PSPC1: variants seen among roughly 807,000 people sequenced by gnomAD.
The protein encoded by PSPC1 is paraspeckle protein 1.
In PSPC1, 14 loss-of-function variants were observed where a neutral mutation model predicts 51.6. That is an observed-to-expected ratio of 0.27 (90% CI 0.18 to 0.42). PSPC1 has a LOEUF of 0.42. Ranked by LOEUF, PSPC1 falls within the 10% of genes least tolerant of loss-of-function variation. The pLI, the probability that PSPC1 is intolerant of heterozygous loss-of-function variation, is 1.00. For synonymous variants in PSPC1, 193 were observed against 231.9 expected, an observed-to-expected ratio of 0.83 and a Z score of 1.53; for missense variants, 406 against 701.1, an observed-to-expected ratio of 0.58 and a Z score of 4.75.
downstream of PSPC1, among the ~76,000 whole-genome samples, chr13:19,701,119 G>A (rs1322270427): frequency 6.6e-6 from 1 of 152,108 alleles, no homozygotes; most frequent in African/African-American, 2.4e-5. Context: ...GTTGAGCCTG[G>A]ACACTAGGAT....
Position 19,782,645 on chromosome 13 carries a change from G to T in PSPC1, c.113C>A (p.Ala38Glu). 1.9e-6 allele frequency: 3 copies of T among 1,558,342 alleles called. No homozygotes were observed. The highest frequency in any genetic ancestry group is 2.6e-6 in the Non-Finnish European group (3 of 1,160,842). ...TGCCGGCTCCCCGGCAAGAGCGAGC[G>T]CCATGGCTGCCGCGGCCGCCGGCTC... ...ESEPAAAAAM[A>E]LALAGEPAPP... is the part of the protein sequence containing the mutation. The change falls in exon 1 of 9, where the codon GCG becomes GAG. Residue 38 changes from alanine to glutamate, a missense_variant. Physicochemically the swap from Ala to Glu is moderately radical, Grantham distance 107. Around this residue, in one of 5 missense-constraint regions of PSPC1, gnomAD observed 128 missense variants for 107.1 expected, o/e 1.20. Transcript: ENST00000338910. The surrounding 1 kb of genome is among the most constrained non-coding windows in gnomAD (Gnocchi z 4.5).
intron 6 of PSPC1, among the ~76,000 whole-genome samples, chr13:19,709,933 A>C (rs1426543284): frequency 1.8e-4 from 27 of 152,228 alleles, no homozygotes; most frequent in Non-Finnish European, 4.0e-4. Flanking sequence ...AAAATCTAGT[A>C]ATGATAACCA....
chr13:19,746,325 CACAGAG>C (rs1332461705), intron 4 of PSPC1, among the ~76,000 whole-genome samples: 11 of 151,658 alleles, frequency 7.3e-5, no homozygotes, highest in Non-Finnish European at 1.6e-4. Flanking sequence ...TCACTTGAAA[CACAGAG>C]GCAGAGGTTG....
intron 6 of PSPC1, among the ~76,000 whole-genome samples, chr13:19,718,906 A>C (rs1882439622): frequency 6.6e-6 from 1 of 152,254 alleles, no homozygotes; most frequent in African/African-American, 2.4e-5. Flanking sequence ...CAACTATATG[A>C]CATTCTGGAA....
Position 19,689,859 on chromosome 13 carries a change from C to T in PSPC1, c.1159-12036G>A, listed in dbSNP as rs564564551. ...TAAAAGCAATCCAAAAAAGCAATGT[C>T]GATTTTACAGGTAATGTTTTAAATT... On this transcript the variant is annotated intron_variant and NMD_transcript_variant, in intron 6 of 7. Coordinates refer to the PSPC1 transcript ENST00000471658. Among the ~76,000 whole-genome samples, 7 of 152,182 alleles carry T rather than the reference C, an allele frequency of 4.6e-5. No individual in the cohort carries two copies. The South Asian group carries it at 1.5e-3, about 32-fold the overall frequency.
chr13:19,768,573 G>A (rs1444720217), intron 2 of PSPC1, among the ~76,000 whole-genome samples: 4 of 149,406 alleles, frequency 2.7e-5, no homozygotes, highest in Admixed American at 2.7e-4. Flanking sequence ...GCGTGAACCC[G>A]GGAGGCAGAG....
intron 6 of PSPC1, among the ~76,000 whole-genome samples, chr13:19,686,793 A>G (rs1877934206): frequency 2.0e-5 from 3 of 152,188 alleles, no homozygotes; most frequent in South Asian, 4.1e-4. Context: ...TGATGGCTAT[A>G]ATGAAGGGCC....
At position 19,743,493 on chromosome 13, in the gene PSPC1, G is replaced by A. The variant is rs368768874; in HGVS notation, c.968-1844C>T. On this transcript the variant is annotated intron_variant, in intron 4 of 8. Coordinates refer to ENST00000338910, the MANE Select transcript of PSPC1 (RefSeq NM_001354909.2). ...ATTTATAAATTATGCAAAAAAAAAG[G>A]ATTCAGACAGATTATAAAGTTGCTC... Among the ~76,000 whole-genome samples, 744 of 149,572 alleles carry A rather than the reference G, an allele frequency of 5.0e-3. 7 individuals carry two copies. Among genetic ancestry groups the A allele is most frequent in the African/African-American group, 0.017 (691 of 41,108 alleles).
At chr13:19,762,963 G>A (rs929132347) in intron 2 of PSPC1, among the ~76,000 whole-genome samples, 1 of 151,956 alleles carries the variant, frequency 6.6e-6, no homozygotes, top group African/African-American at 2.4e-5. Flanking sequence ...AAATTAGCTG[G>A]GTATGGTGGT....
intron 6 of PSPC1, among the ~76,000 whole-genome samples, chr13:19,684,445 T>C (rs1877624965): frequency 6.6e-6 from 1 of 152,236 alleles, no homozygotes; most frequent in Non-Finnish European, 1.5e-5. Context: ...GTTACTTATT[T>C]AATGTATCAA....
At chr13:19,719,909 T>G (rs1882564451) in intron 6 of PSPC1, among the ~76,000 whole-genome samples, 1 of 152,172 alleles carries the variant, frequency 6.6e-6, no homozygotes, top group Non-Finnish European at 1.5e-5. Context: ...CTTGAATTCC[T>G]GAGCTCAATT....
chr13:19,732,346 T>A (rs1884218436), intron 5 of PSPC1, among the ~76,000 whole-genome samples: 1 of 152,154 alleles, frequency 6.6e-6, no homozygotes, highest in Non-Finnish European at 1.5e-5. Context: ...GATGGGAAGA[T>A]CCAATAAAGG....
intron 6 of PSPC1, among the ~76,000 whole-genome samples, chr13:19,693,367 A>G (rs1878789363): frequency 6.6e-6 from 1 of 152,198 alleles, no homozygotes; most frequent in Admixed American, 6.5e-5. Context: ...ACAACTCTAC[A>G]TATACCCATT....
intron 1 of PSPC1, among the ~76,000 whole-genome samples, chr13:19,778,462 G>C (rs1168244271): frequency 1.8e-5 from 2 of 110,214 alleles, no homozygotes; most frequent in Non-Finnish European, 3.7e-5. Context: ...CTGCCATCTC[G>C]GCTCACTGCA....
intron 6 of PSPC1, among the ~76,000 whole-genome samples, chr13:19,724,704 C>T (rs1041373489): frequency 2.0e-5 from 3 of 151,940 alleles, no homozygotes; most frequent in African/African-American, 7.3e-5. Context: ...AATACAAAAA[C>T]TTTGCCGAGC....
chr13:19,711,010 G>C (rs539906171), intron 6 of PSPC1, among the ~76,000 whole-genome samples: 1 of 151,728 alleles, frequency 6.6e-6, no homozygotes, highest in South Asian at 2.1e-4. Flanking sequence ...GTGAATTTTT[G>C]AATTTTTTTT....
intron 4 of PSPC1, among the ~76,000 whole-genome samples, chr13:19,742,547 T>C (rs1885541953): frequency 2.0e-5 from 3 of 152,134 alleles, no homozygotes; most frequent in Non-Finnish European, 4.4e-5. Flanking sequence ...GAGACCAGCA[T>C]GGCCAACATG....
chr13:19,716,081 G>C (rs540639111), intron 6 of PSPC1, among the ~76,000 whole-genome samples: 1 of 152,224 alleles, frequency 6.6e-6, no homozygotes, highest in East Asian at 1.9e-4. Flanking sequence ...ATGTATATAA[G>C]ACATATATGA....
At chr13:19,781,042 C>G (rs975088181) in intron 1 of PSPC1, among the ~76,000 whole-genome samples, 2 of 151,430 alleles carry the variant, frequency 1.3e-5, no homozygotes, top group Non-Finnish European at 2.9e-5. Context: ...CTGTAGTCCC[C>G]GTCCCAGCTA....
Sources: allele counts gnomAD v4.1 joint callset (sites outside exome capture counted in the v4.1 genomes callset), GRCh38; gene constraint gnomAD v4.1.1; regional missense constraint gnomAD v4.1.1; non-coding constraint Gnocchi (gnomAD v3.1); transcripts MANE v1.5; gene names NCBI Gene and HGNC (gene_info 2026-07-23, HGNC 2026-07-21).